TMTC2: variants seen among roughly 807,000 people sequenced by gnomAD.
TMTC2 encodes transmembrane O-mannosyltransferase targeting cadherins 2.
TMTC2 carries 43 observed loss-of-function variants against 82.4 expected under a neutral mutation model. The observed-to-expected ratio is 0.52, with a 90% CI of 0.41 to 0.67. The LOEUF is 0.67. Ranked by LOEUF, TMTC2 falls within the 30% of genes least tolerant of loss-of-function variation. The pLI is 0.00. For missense variants in TMTC2, 919 were observed against 1,012.4 expected (o/e 0.91, Z 1.25); for synonymous variants, 408 against 381.9 (o/e 1.07, Z -0.80).
intron 1 of TMTC2, among the ~76,000 whole-genome samples, chr12:82,770,015 A>C (rs1329940684): frequency 6.6e-6 from 1 of 152,174 alleles, no homozygotes; most frequent in East Asian, 1.9e-4. Context: ...TTTTATTGAA[A>C]ATGATATATT....
At chr12:82,886,157 A>C (rs1418597564) in intron 2 of TMTC2, among the ~76,000 whole-genome samples, 1 of 152,046 alleles carries the variant, frequency 6.6e-6, no homozygotes, top group Admixed American at 6.6e-5. Flanking sequence ...TCTCTTTCAC[A>C]CTTGGACATA....
rs115020366 is a variant in TMTC2, at chr12:82,958,675, C to T, written c.1599-6349C>T. ...CTCAAGAAACTAGACATTGAGGGAA[C>T]AAACCTCAACATATTAAGAGCCATC... On this transcript the variant is annotated intron_variant, in intron 4 of 11. Coordinates refer to ENST00000321196, the MANE Select transcript of TMTC2 (RefSeq NM_152588.3). Among the ~76,000 whole-genome samples, 999 of 152,060 alleles carry T rather than the reference C, an allele frequency of 6.6e-3. 12 individuals are homozygous for T. The highest frequency in any genetic ancestry group is 0.023 in the African/African-American group (950 of 41,484).
intron 8 of TMTC2, among the ~76,000 whole-genome samples, chr12:83,029,168 A>C (rs1881311874): frequency 6.6e-6 from 1 of 152,038 alleles, no homozygotes; most frequent in African/African-American, 2.4e-5. Flanking sequence ...ACAAAAGGAG[A>C]GGGAGTATGG....
intron 3 of TMTC2, among the ~76,000 whole-genome samples, chr12:82,900,815 GAATATATATACCTGGAATA>G (rs1339773938): frequency 1.6e-5 from 2 of 124,636 alleles, no homozygotes; most frequent in African/African-American, 6.1e-5. Flanking sequence ...ATATATATAG[GAATATATATACCTGGAATA>G]TATATATATA....
intron 1 of TMTC2, among the ~76,000 whole-genome samples, chr12:82,831,785 C>G (rs1218538118): frequency 6.6e-6 from 1 of 152,168 alleles, no homozygotes; most frequent in Non-Finnish European, 1.5e-5. Context: ...ACTGCTGACA[C>G]TGGAACTCTG....
intron 2 of TMTC2, among the ~76,000 whole-genome samples, chr12:82,879,247 G>T (rs1476923324): frequency 1.3e-5 from 2 of 152,170 alleles, no homozygotes; most frequent in Non-Finnish European, 2.9e-5. Context: ...TATGAAGTGG[G>T]TATTGTAGGG....
At chr12:82,956,905 C>A (rs1877643282) in intron 4 of TMTC2, among the ~76,000 whole-genome samples, 1 of 152,130 alleles carries the variant, frequency 6.6e-6, no homozygotes, top group African/African-American at 2.4e-5. Context: ...TACTTTGAGA[C>A]CTACAAAAAG....
chr12:82,950,994 C>T (rs1461400063), intron 4 of TMTC2, among the ~76,000 whole-genome samples: 1 of 151,980 alleles, frequency 6.6e-6, no homozygotes, highest in Non-Finnish European at 1.5e-5. Context: ...TTTAGTTGTC[C>T]AAGTCTAAAC....
intron 1 of TMTC2, among the ~76,000 whole-genome samples, chr12:82,771,683 T>C (rs1487916185): frequency 2.0e-5 from 3 of 152,188 alleles, no homozygotes; most frequent in South Asian, 4.1e-4. Context: ...GATAAGTAAT[T>C]CAGTAGGACA....
In TMTC2 at chr12:82,904,584, GATT is replaced by G. The variant is rs1874189318; in HGVS notation, c.1483+7939_1483+7941del. The stretch of plus-strand genomic sequence containing the variant: ...ACATAGTTGATTACTGTAGTTTGCT[GATT>G]TCACAATGACTCTTTGCATTTCTGT... On this transcript the variant is annotated intron_variant, in intron 3 of 11. Coordinates refer to ENST00000321196, the MANE Select transcript of TMTC2 (RefSeq NM_152588.3). Among the ~76,000 whole-genome samples the G allele has an allele frequency of 2.0e-5, 3 of 152,170 alleles. No individual in the cohort carries two copies. In the South Asian group the frequency reaches 6.2e-4, roughly 32 times the overall value.
At chr12:82,905,283 A>C (rs895625787) in intron 3 of TMTC2, among the ~76,000 whole-genome samples, 1 of 152,220 alleles carries the variant, frequency 6.6e-6, no homozygotes, top group East Asian at 1.9e-4. Context: ...AAATAATTGT[A>C]GTATATATGG....
At chr12:83,006,330 G>C (rs976977328) in intron 8 of TMTC2, among the ~76,000 whole-genome samples, 2 of 152,108 alleles carry the variant, frequency 1.3e-5, no homozygotes, top group African/African-American at 4.8e-5. Context: ...GGTCTCACTC[G>C]CTTGGAGAGG....
chr12:83,030,462 A>G (rs1881380354), intron 8 of TMTC2, among the ~76,000 whole-genome samples: 1 of 152,110 alleles, frequency 6.6e-6, no homozygotes, highest in East Asian at 1.9e-4. Flanking sequence ...AAAATAGAAA[A>G]TGACAATAAT....
chr12:83,014,670 A>G lies in TMTC2; in HGVS notation c.2071-16128A>G, dbSNP rs144662098. 3.8e-3 allele frequency among the ~76,000 whole-genome samples: 583 copies of G among 152,298 alleles called. 4 individuals are homozygous for G. Among genetic ancestry groups the G allele is most frequent in the African/African-American group, 0.013 (560 of 41,574 alleles). On this transcript the variant is annotated intron_variant, in intron 8 of 11. Coordinates refer to ENST00000321196, the MANE Select transcript of TMTC2 (RefSeq NM_152588.3). Reference sequence around the variant, plus strand: ...AAATACAACTAAAATAACCATGTACATCTATGGTTTGCCTCTGAGTAAATA... The same window carrying G: ...AAATACAACTAAAATAACCATGTACGTCTATGGTTTGCCTCTGAGTAAATA...
intron 1 of TMTC2, among the ~76,000 whole-genome samples, chr12:82,797,324 A>T (rs1228484660): frequency 6.6e-6 from 1 of 152,174 alleles, no homozygotes; most frequent in Admixed American, 6.5e-5. Flanking sequence ...TCTTCACATT[A>T]ATTGTTTTAT....
At chr12:82,819,659 A>G (rs1868970818) in intron 1 of TMTC2, among the ~76,000 whole-genome samples, 1 of 151,466 alleles carries the variant, frequency 6.6e-6, no homozygotes, top group Non-Finnish European at 1.5e-5. Flanking sequence ...CTGCCACCAC[A>G]CCCAGCTAAT....
At chr12:82,978,660 C>T (rs1414636017) in intron 7 of TMTC2, among the ~76,000 whole-genome samples, 1 of 151,726 alleles carries the variant, frequency 6.6e-6, no homozygotes, top group Non-Finnish European at 1.5e-5. Flanking sequence ...AATGTGTATT[C>T]TGCAGCCATT....
At position 82,844,877 on chromosome 12, in the gene TMTC2, AATCTCGTATTCATTCC is replaced by A. The variant is rs374150682; in HGVS notation, c.84-12129_84-12114del. On this transcript the variant is annotated intron_variant, in intron 1 of 11. Coordinates refer to ENST00000321196, the MANE Select transcript of TMTC2 (RefSeq NM_152588.3). Reference sequence around the variant, plus strand: ...CATCGAACTTCATTAAAAAAAGTATAATCTCGTATTCATTCCATCCCTTGAAGTCAAACAGTAATCA... The same window carrying A: ...CATCGAACTTCATTAAAAAAAGTATAATCCCTTGAAGTCAAACAGTAATCA... 4.3e-3 allele frequency among the ~76,000 whole-genome samples: 653 copies of A among 152,062 alleles called. 3 individuals are homozygous for A. The highest frequency in any genetic ancestry group is 0.015 in the African/African-American group (632 of 41,454).
In TMTC2 at chr12:83,049,035, C is replaced by T. The variant is rs994114666; in HGVS notation, c.2153-1869C>T. Among the ~76,000 whole-genome samples, 5 of 152,216 alleles carry T rather than the reference C, an allele frequency of 3.3e-5. No individual in the cohort carries two copies. In the East Asian group the frequency reaches 7.7e-4, roughly 23 times the overall value. ...TTTTTATTGAAGAAATGGTCTTTTG[C>T]GTTGGAAGACAATTTGTAATATTCA... On this transcript the variant is annotated intron_variant, in intron 9 of 11. Transcript: ENST00000321196.
Sources: allele counts gnomAD v4.1 joint callset (sites outside exome capture counted in the v4.1 genomes callset), GRCh38; gene constraint gnomAD v4.1.1; transcripts MANE v1.5; gene names NCBI Gene and HGNC (gene_info 2026-07-23, HGNC 2026-07-21).